Variants in GADL1 observed in about 807,000 individuals in gnomAD.
The protein encoded by GADL1 is acidic amino acid decarboxylase GADL1.
In GADL1, 71 loss-of-function variants were observed where a neutral mutation model predicts 69.5. The ratio of observed to expected loss-of-function variants is 1.02; its 90% confidence interval spans 0.84 to 1.25. The LOEUF is 1.25. Among genes scored for constraint, GADL1 ranks in the 50% most tolerant of loss-of-function variants. The probability of loss-of-function intolerance (pLI) is 0.00; values close to 1 mark genes in which losing one functional copy is unlikely to be tolerated. For synonymous variants in GADL1, 254 were observed against 214.4 expected (o/e 1.18, Z -1.62); for missense variants, 737 against 631.8 (o/e 1.17, Z -1.79).
intron 11 of GADL1, among the ~76,000 whole-genome samples, chr3:30,825,683 C>A (rs370718521): frequency 8.6e-6 from 1 of 116,852 alleles, no homozygotes; most frequent in Non-Finnish European, 1.8e-5. Flanking sequence ...AGAAAACCAA[C>A]GCTGCAGGTT....
At chr3:30,785,905 A>G (rs924911626) in intron 13 of GADL1, among the ~76,000 whole-genome samples, 4 of 152,228 alleles carry the variant, frequency 2.6e-5, no homozygotes, top group Admixed American at 6.6e-5. Context: ...ATAGCAAACA[A>G]TCCAACATCA....
chr3:30,837,035 T>C (rs1162679723), intron 9 of GADL1, among the ~76,000 whole-genome samples: 1 of 152,110 alleles, frequency 6.6e-6, no homozygotes, highest in African/African-American at 2.4e-5. Context: ...ATTTCAGAGT[T>C]AAAATTTTTT....
At chr3:30,828,016 G>A (rs1183531003) in intron 11 of GADL1, among the ~76,000 whole-genome samples, 1 of 151,866 alleles carries the variant, frequency 6.6e-6, no homozygotes, top group East Asian at 1.9e-4. Context: ...GAAAAAGTGT[G>A]AGTGTTCCCT....
intron 14 of GADL1, among the ~76,000 whole-genome samples, chr3:30,766,278 C>T (rs1267146032): frequency 6.6e-6 from 1 of 152,122 alleles, no homozygotes. Flanking sequence ...GGTAGGAATG[C>T]TAAATTCACT....
intron 14 of GADL1, among the ~76,000 whole-genome samples, chr3:30,770,468 A>T (rs761215308): frequency 6.6e-6 from 1 of 152,240 alleles, no homozygotes; most frequent in Non-Finnish European, 1.5e-5. Flanking sequence ...CTCATGCCTC[A>T]TGTATGTGTG....
At chr3:30,792,158 A>G (rs1559501111) in intron 12 of GADL1, among the ~76,000 whole-genome samples, 1 of 152,224 alleles carries the variant, frequency 6.6e-6, no homozygotes, top group Non-Finnish European at 1.5e-5. Context: ...CTTACACCAG[A>G]GTTTTCAAAC....
At chr3:30,767,740 A>G (rs1696316508) in intron 14 of GADL1, among the ~76,000 whole-genome samples, 1 of 151,552 alleles carries the variant, frequency 6.6e-6, no homozygotes, top group Non-Finnish European at 1.5e-5. Context: ...AATACATAAA[A>G]AATTTAAAAC....
chr3:30,887,178 T>C (rs1056176853), intron 1 of GADL1, among the ~76,000 whole-genome samples: 26 of 152,172 alleles, frequency 1.7e-4, no homozygotes, highest in African/African-American at 6.0e-4. Flanking sequence ...GTACTTAGCA[T>C]ATGCAGTCAA....
At chr3:30,878,561 T>C (rs868797814) in intron 1 of GADL1, among the ~76,000 whole-genome samples, 4 of 152,050 alleles carry the variant, frequency 2.6e-5, no homozygotes, top group Non-Finnish European at 4.4e-5. Flanking sequence ...ACCCATCTCT[T>C]TTCCCTCTTC....
chr3:30,752,703 T>C (rs6763537), intron 14 of GADL1, among the ~76,000 whole-genome samples: 2,212 of 152,312 alleles, frequency 0.015, 62 homozygotes, highest in African/African-American at 0.05. Flanking sequence ...GTGACTGTTC[T>C]AGAGGAACTT....
chr3:30,767,542 T>G (rs968781092), intron 14 of GADL1, among the ~76,000 whole-genome samples: 7 of 152,128 alleles, frequency 4.6e-5, no homozygotes, highest in African/African-American at 1.4e-4. Context: ...GAGGAAATGA[T>G]CAGGTTAGAT....
At chr3:30,802,659 G>A (rs754065009) in intron 11 of GADL1, among the ~76,000 whole-genome samples, 1 of 152,192 alleles carries the variant, frequency 6.6e-6, no homozygotes, top group Non-Finnish European at 1.5e-5. Context: ...CTTAATGTAA[G>A]CAACATTGTC....
At chr3:30,741,786 T>C (rs1230368844) in intron 14 of GADL1, among the ~76,000 whole-genome samples, 1 of 152,196 alleles carries the variant, frequency 6.6e-6, no homozygotes, top group Admixed American at 6.5e-5. Flanking sequence ...TGCAATTTTG[T>C]TTGACACTTC....
intron 14 of GADL1, among the ~76,000 whole-genome samples, chr3:30,764,509 TCTTTCGTACTA>T (rs1315935146): frequency 6.6e-6 from 1 of 152,186 alleles, no homozygotes; most frequent in African/African-American, 2.4e-5. Flanking sequence ...TCTTTCCAAC[TCTTTCGTACTA>T]CTTGGTCCCT....
intron 11 of GADL1, among the ~76,000 whole-genome samples, chr3:30,822,729 C>T (rs914216155): frequency 2.6e-5 from 4 of 151,990 alleles, no homozygotes; most frequent in Non-Finnish European, 5.9e-5. Context: ...ACTGATATGT[C>T]ACCTCTGCTA....
At chr3:30,785,347 A>G (rs989154128) in intron 13 of GADL1, among the ~76,000 whole-genome samples, 4 of 150,872 alleles carry the variant, frequency 2.7e-5, no homozygotes, top group South Asian at 2.1e-4. Flanking sequence ...AATGCATCTT[A>G]TTGAATAAAT....
intron 1 of GADL1, among the ~76,000 whole-genome samples, chr3:30,892,095 T>C (rs1424557192): frequency 6.6e-6 from 1 of 152,208 alleles, no homozygotes; most frequent in African/African-American, 2.4e-5. Flanking sequence ...ATTATTTGAG[T>C]CTGAAGAATC....
At chr3:30,811,852 A>G (rs1473159978) in intron 11 of GADL1, among the ~76,000 whole-genome samples, 1 of 152,176 alleles carries the variant, frequency 6.6e-6, no homozygotes, top group East Asian at 1.9e-4. Flanking sequence ...AGGCCAAAAA[A>G]CCAGAATTTT....
chr3:30,745,178 C>T (rs1695684196), intron 14 of GADL1, among the ~76,000 whole-genome samples: 1 of 152,124 alleles, frequency 6.6e-6, no homozygotes, highest in South Asian at 2.1e-4. Flanking sequence ...TTTCTGTGTG[C>T]TACTATTCAG....
Sources: gnomAD v4.1 joint callset for allele counts (sites outside exome capture counted in the v4.1 genomes callset) on GRCh38, gnomAD v4.1.1 for gene constraint, MANE v1.5 for transcripts, NCBI Gene and HGNC (gene_info 2026-07-23, HGNC 2026-07-21) for gene names.